LARP1B: variants seen among roughly 807,000 people sequenced by gnomAD.
LARP1B encodes La ribonucleoprotein 1B, also known as la-related protein 1B.
In LARP1B, 76 loss-of-function variants were observed where a neutral mutation model predicts 114.2. The ratio of observed to expected loss-of-function variants is 0.67; its 90% CI spans 0.55 to 0.81. The LOEUF (loss-of-function observed/expected upper bound fraction) is 0.81, where lower values mean the gene tolerates loss of function less well. LARP1B is among the 30% of genes least tolerant of loss of function. The pLI is 0.00. For synonymous variants in LARP1B, 345 were observed against 348.0 expected, an observed-to-expected ratio of 0.99 and a Z score of 0.10; for missense variants, 1,014 against 1,075.8, an observed-to-expected ratio of 0.94 and a Z score of 0.80.
rs138537645 is a variant in LARP1B at position 128,164,072 on chromosome 4, A to G, written c.1648+1755A>G. ...TTTAAGATTATAGGTTTTAATTTTA[A>G]TTTCTTTGATTTTGTAGTTGTATTG... On this transcript the variant is annotated intron_variant, in intron 12 of 19. Coordinates refer to ENST00000326639, the MANE Select transcript of LARP1B (RefSeq NM_018078.4). 6.4e-3 allele frequency among the ~76,000 whole-genome samples: 972 copies of G among 152,170 alleles called. 13 individuals are homozygous for G. The highest frequency in any genetic ancestry group is 0.022 in the African/African-American group (907 of 41,516).
chr4:128,216,627 T>C (rs1578841121), downstream of LARP1B, among the ~76,000 whole-genome samples: 6 of 149,526 alleles, frequency 4.0e-5, no homozygotes, highest in South Asian at 1.1e-3. Flanking sequence ...CCAGAATCTC[T>C]GGGACGCATT....
At chr4:128,214,546 A>T (rs1020603903), downstream of LARP1B, among the ~76,000 whole-genome samples, 1 of 151,898 alleles carries the variant, frequency 6.6e-6, no homozygotes, top group African/African-American at 2.4e-5. Flanking sequence ...GACACCTCAC[A>T]CGGCAGGGTA....
intron 12 of LARP1B, among the ~76,000 whole-genome samples, chr4:128,174,994 T>C: frequency 6.6e-6 from 1 of 152,152 alleles, no homozygotes; most frequent in Non-Finnish European, 1.5e-5. Context: ...TGCAATTGAC[T>C]GATAACACCG....
At chr4:128,168,288 TAA>T (rs200997292) in intron 12 of LARP1B, among the ~76,000 whole-genome samples, 122 of 150,784 alleles carry the variant, frequency 8.1e-4, no homozygotes, top group African/African-American at 2.4e-3. Flanking sequence ...GTTTTTTTTT[TAA>T]AAAATTTTGC....
chr4:128,209,854 A>C lies in LARP1B; in HGVS notation c.2548-2A>C, dbSNP rs1189188207. The C allele has an allele frequency of 6.2e-7, 1 of 1,612,182 alleles. No homozygotes were observed. Among genetic ancestry groups the C allele is most frequent in the Non-Finnish European group, 8.5e-7 (1 of 1,178,700 alleles). On this transcript the variant is annotated splice_acceptor_variant, in intron 19 of 19. Coordinates refer to ENST00000326639, the MANE Select transcript of LARP1B (RefSeq NM_018078.4). LOFTEE classifies it high-confidence loss of function. The stretch of plus-strand genomic sequence containing the variant: ...AACGGTGTTGCCTTTCATCATTTGC[A>C]GCCCCCTATTAGTGATGAATTTGGA...
chr4:128,118,082 A>T (rs1217830407), intron 10 of LARP1B, among the ~76,000 whole-genome samples: 3 of 76,746 alleles, frequency 3.9e-5, no homozygotes, highest in African/African-American at 1.1e-4. Context: ...GGCCCGGCTA[A>T]TTTTTTTTTT....
intron 11 of LARP1B, among the ~76,000 whole-genome samples, chr4:128,157,091 G>C (rs996526928): frequency 1.3e-5 from 2 of 151,992 alleles, no homozygotes; most frequent in Non-Finnish European, 2.9e-5. Flanking sequence ...CAGACCCCTA[G>C]TGATCCAGAA....
chr4:128,092,960 G>C, intron 7 of LARP1B: 1 of 985,358 alleles, frequency 1.0e-6, no homozygotes, highest in Non-Finnish European at 1.2e-6. Context: ...TCATACAAGT[G>C]AGGGAGGAGC....
chr4:128,111,351 A>G (rs1784051149), intron 9 of LARP1B, among the ~76,000 whole-genome samples: 1 of 151,972 alleles, frequency 6.6e-6, no homozygotes, highest in East Asian at 1.9e-4. Flanking sequence ...CCAGCTCTTC[A>G]TCTACTTTTA....
At chr4:128,135,795 T>C (rs965979217) in intron 11 of LARP1B, among the ~76,000 whole-genome samples, 4 of 152,112 alleles carry the variant, frequency 2.6e-5, no homozygotes, top group African/African-American at 9.7e-5. Context: ...AAGTGTTGCT[T>C]AATGGGTATA....
rs766969206 is a variant in LARP1B at position 128,091,368 on chromosome 4, G to A, written c.524G>A (p.Gly175Asp). 2.0e-5 allele frequency: 33 copies of A among 1,610,712 alleles called. No homozygotes were observed. Among genetic ancestry groups the A allele is most frequent in the South Asian group, 8.9e-5 (8 of 90,250 alleles). Residue 175 changes from glycine to aspartate, a missense_variant, in exon 7 of 20, where the codon GGT (glycine) becomes GAT (aspartate). Transcript: ENST00000326639. Reference sequence around the variant, plus strand: ...CAAGTGAACTTTGATTATTCATATGGTTATCAAGAACATGGTGAAAGGACT... The same window carrying A: ...CAAGTGAACTTTGATTATTCATATGATTATCAAGAACATGGTGAAAGGACT... ...NPRLNFDYSY[G>D]YQEHGERTDQ...
At chr4:128,192,983 A>C (rs1251839656) in intron 15 of LARP1B, among the ~76,000 whole-genome samples, 2 of 152,120 alleles carry the variant, frequency 1.3e-5, no homozygotes, top group African/African-American at 4.8e-5. Context: ...GGTGTGCACC[A>C]CAATAGCTGG....
intron 14 of LARP1B, among the ~76,000 whole-genome samples, 153 bp downstream of exon 14, chr4:128,178,795 T>C (rs1374179671): frequency 2.0e-5 from 3 of 152,206 alleles, no homozygotes; most frequent in African/African-American, 7.2e-5. Flanking sequence ...ATATTTTCTC[T>C]GGTTAGGAAA....
At chr4:128,107,110 A>C in intron 8 of LARP1B, 29 bp from the exon 9 acceptor site, 2 of 1,586,974 alleles carry the variant, frequency 1.3e-6, no homozygotes, top group Admixed American at 3.4e-5. Context: ...AATAGCTCAT[A>C]ATTTTAATAG....
chr4:128,098,747 G>GTGTGTGTGTGTGTATATATATATATATA lies in LARP1B; in HGVS notation c.813+418_813+419insGTGTGTGTGTGTATATATATATATATAT. On this transcript the variant is annotated intron_variant, in intron 8 of 19. Coordinates refer to ENST00000326639, the MANE Select transcript of LARP1B (RefSeq NM_018078.4). ...AGCATGTGTTCCTGTATATGTATGT[G>GTGTGTGTGTGTGTATATATATATATATA]TATATATATATATATATATATTTTT... 1.9e-4 allele frequency among the ~76,000 whole-genome samples: 3 copies of GTGTGTGTGTGTGTATATATATATATATA among 15,586 alleles called. 1 individual carries two copies. Among genetic ancestry groups the GTGTGTGTGTGTGTATATATATATATATA allele is most frequent in the East Asian group, 3.6e-3 (2 of 554 alleles). The allele number at this position is 15,586 out of a possible 152,430, so 10.2% of individuals were successfully genotyped here. A position where few individuals can be genotyped will look rare whatever the true frequency, so the allele number is the denominator to read the frequency against.
At chr4:128,079,976 T>TA (rs1769619441) in intron 4 of LARP1B, among the ~76,000 whole-genome samples, 12 of 152,052 alleles carry the variant, frequency 7.9e-5, no homozygotes, top group African/African-American at 2.4e-4. Flanking sequence ...TATCCTGATC[T>TA]AAAATTTGTC....
At chr4:128,103,561 C>CTTTT (rs1049704607) in intron 8 of LARP1B, among the ~76,000 whole-genome samples, 3 of 131,862 alleles carry the variant, frequency 2.3e-5, no homozygotes, top group South Asian at 2.4e-4. Context: ...GCCCCTTCCT[C>CTTTT]TTTTTTTTTT....
chr4:128,176,314 A>G (rs773418725), intron 12 of LARP1B, among the ~76,000 whole-genome samples: 15 of 146,460 alleles, frequency 1.0e-4, no homozygotes, highest in Non-Finnish European at 2.2e-4. Flanking sequence ...TTTTTTTTAG[A>G]TGAAGTCTTG....
chr4:128,212,386 G>A (rs746193489), downstream of LARP1B, among the ~76,000 whole-genome samples: 12 of 152,096 alleles, frequency 7.9e-5, no homozygotes, highest in Admixed American at 2.0e-4. Flanking sequence ...GCTCATGCCT[G>A]TAATCCCAGC....
Sources: gnomAD v4.1 joint callset for allele counts (sites outside exome capture counted in the v4.1 genomes callset) on GRCh38, gnomAD v4.1.1 for gene constraint, MANE v1.5 for transcripts, NCBI Gene and HGNC (gene_info 2026-07-23, HGNC 2026-07-21) for gene names.